OCIAD2: variants seen among roughly 807,000 people sequenced by gnomAD.
The protein encoded by OCIAD2 is OCIA domain containing 2.
In OCIAD2, 29 loss-of-function variants were observed where a neutral mutation model predicts 22.9. The observed-to-expected ratio is 1.27, with a 90% CI of 0.94 to 1.73. OCIAD2 has a LOEUF of 1.73. OCIAD2 is among the 40% of genes most tolerant of loss of function. The probability of loss-of-function intolerance (pLI) is 0.00; values close to 1 mark genes in which losing one functional copy is unlikely to be tolerated. For synonymous variants in OCIAD2, 67 were observed against 60.2 expected, an observed-to-expected ratio of 1.11 and a Z score of -0.52; for missense variants, 189 against 180.3, an observed-to-expected ratio of 1.05 and a Z score of -0.28.
chr4:48,886,274 C>T (rs1396526181), intron 6 of OCIAD2, among the ~76,000 whole-genome samples: 1 of 152,116 alleles, frequency 6.6e-6, no homozygotes, highest in East Asian at 1.9e-4. Context: ...TGTTCTGTTC[C>T]ATTGATCTAT....
chr4:48,887,782 G>C (rs570037403), intron 6 of OCIAD2, among the ~76,000 whole-genome samples: 22 of 152,276 alleles, frequency 1.4e-4, no homozygotes, highest in African/African-American at 5.3e-4. Flanking sequence ...GATGCCTCCA[G>C]TTTTGTTCTT....
chr4:48,887,712 C>A (rs1781031998), intron 6 of OCIAD2, among the ~76,000 whole-genome samples: 1 of 151,986 alleles, frequency 6.6e-6, no homozygotes. Context: ...GTTTTGGTAC[C>A]CAGTACCATG....
At chr4:48,887,922 C>T (rs989254098) in intron 6 of OCIAD2, among the ~76,000 whole-genome samples, 4 of 152,126 alleles carry the variant, frequency 2.6e-5, no homozygotes, top group African/African-American at 9.7e-5. Context: ...TATGAATTAC[C>T]TTGGGCAGTA....
chr4:48,890,092 A>T (rs1265256915), intron 6 of OCIAD2, among the ~76,000 whole-genome samples: 1 of 108,150 alleles, frequency 9.2e-6, no homozygotes, highest in Non-Finnish European at 1.8e-5. Flanking sequence ...AACATTACAT[A>T]CCGGGGCTTG....
At chr4:48,894,681 A>C (rs983050083) in intron 4 of OCIAD2, among the ~76,000 whole-genome samples, 2 of 152,212 alleles carry the variant, frequency 1.3e-5, no homozygotes, top group Non-Finnish European at 2.9e-5. Context: ...GAGATTAGTC[A>C]TCATCCTCTT....
chr4:48,895,080 AG>A (rs1321402827), intron 4 of OCIAD2, among the ~76,000 whole-genome samples: 3 of 152,206 alleles, frequency 2.0e-5, no homozygotes, highest in Non-Finnish European at 4.4e-5. Context: ...AGTCATAGGA[AG>A]GGGCCACCGG....
intron 4 of OCIAD2, among the ~76,000 whole-genome samples, chr4:48,895,658 C>G (rs1401156717): frequency 6.6e-6 from 1 of 152,158 alleles, no homozygotes; most frequent in Middle Eastern, 3.2e-3. Flanking sequence ...AAATTTCACC[C>G]TGAGTTTTGA....
intron 6 of OCIAD2, 81 bp from the exon 7 acceptor site, chr4:48,885,646 T>A (rs987569934): frequency 5.4e-5 from 41 of 759,352 alleles, no homozygotes; most frequent in African/African-American, 3.7e-4. Flanking sequence ...TTATTCTTAT[T>A]ATTTTAACAT....
At chr4:48,886,993 C>G (rs1560455356) in intron 6 of OCIAD2, among the ~76,000 whole-genome samples, 1 of 152,216 alleles carries the variant, frequency 6.6e-6, no homozygotes, top group Non-Finnish European at 1.5e-5. Context: ...CACATCCTCT[C>G]CAGCCCCTGT....
At chr4:48,900,881 A>G (rs1781400336) in intron 2 of OCIAD2, among the ~76,000 whole-genome samples, 2 of 152,198 alleles carry the variant, frequency 1.3e-5, no homozygotes, top group Admixed American at 6.5e-5. Flanking sequence ...GGCGTAAGTC[A>G]CTGATCCCAG....
At chr4:48,897,899 T>C (rs190315711) in intron 3 of OCIAD2, 42 bp from the exon 4 acceptor site, 115 of 1,439,696 alleles carry the variant, frequency 8.0e-5, no homozygotes, top group Admixed American at 3.4e-4. Context: ...ATTTTAAAAA[T>C]TGGCACCTCA....
chr4:48,894,018 G>T lies in OCIAD2; in HGVS notation c.253C>A (p.Pro85Thr). 1.3e-6 allele frequency: 2 copies of T among 1,516,120 alleles called. No homozygotes were observed. Among genetic ancestry groups the T allele is most frequent in the East Asian group, 2.4e-5 (1 of 42,016 alleles). 93.9% of individuals were successfully genotyped at this position (1,516,120 alleles called of 1,614,324 possible). Residue 85 changes from proline to threonine, a missense_variant, in exon 5 of 7, where the codon CCC becomes ACC. By Grantham distance (38) the Pro-to-Thr change is conservative. Coordinates refer to ENST00000508632, the MANE Select transcript of OCIAD2 (RefSeq NM_001014446.3). The stretch of plus-strand genomic sequence containing the variant: ...TTCTATGACTTACGTGCAACTTTGG[G>T]CAATGATCCAAATCTAGAATTAGCT... ...LAANSRFGSL[P>T]KVALAGLLGF...
intron 2 of OCIAD2, among the ~76,000 whole-genome samples, chr4:48,900,638 GTT>G (rs5858133): frequency 5.9e-4 from 74 of 124,706 alleles, no homozygotes; most frequent in East Asian, 9.1e-4. Flanking sequence ...GTTCTGCAGT[GTT>G]TTTTTTTTTT....
chr4:48,894,148 C>T, intron 4 of OCIAD2, 95 bp from the exon 5 acceptor site: 1 of 603,504 alleles, frequency 1.7e-6, no homozygotes, highest in Non-Finnish European at 2.5e-6. Flanking sequence ...AAAGAAACCT[C>T]CAAAATTTAA....
chr4:48,892,861 T>G lies in OCIAD2; in HGVS notation c.294A>C (p.Gly98=). 1 of 1,609,070 alleles carries G rather than the reference T, an allele frequency of 6.2e-7. No individual in the cohort carries two copies. The highest frequency in any genetic ancestry group is 2.2e-5 in the East Asian group (1 of 44,770). Residue 98 remains glycine, a synonymous_variant, in exon 6 of 7, where the codon GGA becomes GGC. Coordinates refer to ENST00000508632, the MANE Select transcript of OCIAD2 (RefSeq NM_001014446.3). ...ALAGLLGFGL[G]KVSYIGVCQS... ...GGCATACTCCTATGTATGATACCTT[T>G]CCAAGGCCAAATCCCAAGAGACCAG...
chr4:48,891,187 T>C (rs149662482), intron 6 of OCIAD2, among the ~76,000 whole-genome samples: 2 of 152,324 alleles, frequency 1.3e-5, no homozygotes, highest in East Asian at 3.9e-4. Context: ...GCTTCTGCTG[T>C]AGCTCCTACT....
chr4:48,897,893 TA>T, intron 3 of OCIAD2, 36 bp from the exon 4 acceptor site: 7 of 1,521,594 alleles, frequency 4.6e-6, no homozygotes, highest in Non-Finnish European at 4.5e-6. Flanking sequence ...ATTGGTATTT[TA>T]AAAATTGGCA....
chr4:48,897,808 GTAGAC>G lies in OCIAD2; in HGVS notation c.208_212del (p.Val70ProfsTer7). On this transcript the variant is annotated frameshift_variant, in exon 4 of 7. Coordinates refer to ENST00000508632, the MANE Select transcript of OCIAD2 (RefSeq NM_001014446.3). LOFTEE classifies it high-confidence loss of function. Reference sequence around the variant, plus strand: ...TTAACAAATATTGAATCTTACCTTGGTAGACTAGTCCCTGGGTGACAAGCATGCTT... The same window carrying G: ...TTAACAAATATTGAATCTTACCTTGGTAGTCCCTGGGTGACAAGCATGCTT... The G allele has an allele frequency of 6.2e-7, 1 of 1,609,208 alleles. No individual in the cohort carries two copies. Among genetic ancestry groups the G allele is most frequent in the African/African-American group, 1.3e-5 (1 of 74,874 alleles).
chr4:48,896,617 A>G (rs1781306091), intron 4 of OCIAD2, among the ~76,000 whole-genome samples: 1 of 151,850 alleles, frequency 6.6e-6, no homozygotes, highest in African/African-American at 2.4e-5. Context: ...AACAAAACAA[A>G]ACCCCAAGAT....
Sources: allele counts gnomAD v4.1 joint callset (sites outside exome capture counted in the v4.1 genomes callset), GRCh38; gene constraint gnomAD v4.1.1; transcripts MANE v1.5; gene names NCBI Gene and HGNC (gene_info 2026-07-23, HGNC 2026-07-21).